ANO1: variants seen among roughly 807,000 people sequenced by gnomAD.
ANO1 encodes anoctamin-1.
In ANO1, 59 loss-of-function variants were observed where a neutral mutation model predicts 124.0. The observed-to-expected ratio is 0.48, with a 90% confidence interval of 0.39 to 0.59. The LOEUF is 0.59. Among genes scored for constraint, ANO1 ranks in the 20% least tolerant of loss-of-function variants. The pLI is 0.00. For missense variants in ANO1, 1,059 were observed against 1,328.0 expected, an observed-to-expected ratio of 0.80 and a Z score of 3.15; for synonymous variants, 529 against 532.0, an observed-to-expected ratio of 0.99 and a Z score of 0.08.
Position 70,170,859 on chromosome 11 carries a change from G to A in ANO1, c.2198-28G>A, listed in dbSNP as rs895708281. 6 of 1,608,462 alleles carry A rather than the reference G, an allele frequency of 3.7e-6. No homozygotes were observed. The African/African-American group carries it at 6.7e-5, about 18-fold the overall frequency. On this transcript the variant is annotated intron_variant, in intron 21 of 25. Coordinates refer to ENST00000355303, the MANE Select transcript of ANO1 (RefSeq NM_018043.7). ...CCTTATGGGCTGTGGCTCACGGGGT[G>A]CTGACTAGCACTGGGCTCTCTCTGC...
chr11:70,177,594 C>CTTTTTTTTTTTTTTTTTTTT (rs57647858), intron 22 of ANO1, among the ~76,000 whole-genome samples: 2 of 78,930 alleles, frequency 2.5e-5, no homozygotes, highest in Non-Finnish European at 4.4e-5. Context: ...TTTTTTTTTT[C>CTTTTTTTTTTTTTTTTTTTT]TTTTTTTTTT....
the ANO1 span, among the ~76,000 whole-genome samples, chr11:69,967,931 C>T: frequency 2.6e-5 from 4 of 152,216 alleles, no homozygotes; most frequent in African/African-American, 9.7e-5. Flanking sequence ...CCATTTTCAG[C>T]AACACTCATG....
intron 20 of ANO1, among the ~76,000 whole-genome samples, chr11:70,166,474 G>A (rs546876537): frequency 2.6e-4 from 39 of 152,200 alleles, no homozygotes; most frequent in Non-Finnish European, 5.3e-4. Flanking sequence ...GGCTCCCCAG[G>A]GTTTCCAGAT....
chr11:69,973,942 TC>T, the ANO1 span, among the ~76,000 whole-genome samples: 1 of 152,070 alleles, frequency 6.6e-6, no homozygotes, highest in Non-Finnish European at 1.5e-5. Context: ...TATTTTTAAT[TC>T]CTCAAAAAAT....
At chr11:70,117,841 A>G (rs1042478998) in intron 8 of ANO1, among the ~76,000 whole-genome samples, 18 of 152,090 alleles carry the variant, frequency 1.2e-4, no homozygotes, top group African/African-American at 4.3e-4. Context: ...CATGTTTTTA[A>G]ATCTTTGGTA....
chr11:70,077,561 G>A (rs2044077926), upstream of ANO1, among the ~76,000 whole-genome samples: 1 of 152,156 alleles, frequency 6.6e-6, no homozygotes, highest in South Asian at 2.1e-4. Flanking sequence ...GGGTAAGAGA[G>A]ATCAAAGCCA....
At chr11:70,122,469 T>A (rs1383138063) in intron 8 of ANO1, among the ~76,000 whole-genome samples, 2 of 149,814 alleles carry the variant, frequency 1.3e-5, no homozygotes, top group East Asian at 4.0e-4. Context: ...TCTGTCTCTG[T>A]CTCTCCATCT....
the ANO1 span, among the ~76,000 whole-genome samples, chr11:69,977,351 A>C: frequency 6.6e-6 from 1 of 152,230 alleles, no homozygotes; most frequent in Admixed American, 6.5e-5. Context: ...CTAAACCATG[A>C]AACGTGGTCA....
chr11:69,975,983 G>A, the ANO1 span, among the ~76,000 whole-genome samples: 1 of 152,164 alleles, frequency 6.6e-6, no homozygotes, highest in African/African-American at 2.4e-5. Flanking sequence ...GCCCTGGGGT[G>A]CGGGAAGGAC....
intron 1 of ANO1, among the ~76,000 whole-genome samples, chr11:70,027,285 G>A (rs868907471): frequency 3.1e-4 from 47 of 152,036 alleles, no homozygotes; most frequent in Admixed American, 4.6e-4. Context: ...CCACCTTACC[G>A]TGCTCCAAAT....
At chr11:70,158,714 A>G (rs1377628454) in intron 16 of ANO1, among the ~76,000 whole-genome samples, 3 of 152,222 alleles carry the variant, frequency 2.0e-5, no homozygotes, top group East Asian at 1.9e-4. Context: ...AAGAAGTGGG[A>G]AGATCCAGTG....
In ANO1 at chr11:70,155,869, C is replaced by G. The variant is rs150390786; in HGVS notation, c.1426-42C>G. 1,489 of 1,504,512 alleles carry G rather than the reference C, an allele frequency of 9.9e-4. 31 individuals carry two copies. The East Asian group carries it at 0.032, about 32-fold the overall frequency. The allele number at this position is 1,504,512 out of a possible 1,614,324, so 93.2% of individuals were successfully genotyped here. ...CCCCGCGGTCTGCGGTGCCGCCTCC[C>G]ACTTCACCGCACGGTGCTCTCTTTC... is the stretch of plus-strand genomic sequence containing the variant. On this transcript the variant is annotated intron_variant, in intron 14 of 25. Coordinates refer to ENST00000355303, the MANE Select transcript of ANO1 (RefSeq NM_018043.7).
intron 24 of ANO1, 140 bp from the exon 25 acceptor site, chr11:70,185,450 G>C (rs948966502): frequency 1.1e-5 from 8 of 700,464 alleles, no homozygotes; most frequent in Non-Finnish European, 1.9e-5. Flanking sequence ...TGGGCTGCTC[G>C]CCCAAGAGAG....
chr11:69,982,627 C>T (rs1855968931), upstream of ANO1, among the ~76,000 whole-genome samples: 1 of 152,224 alleles, frequency 6.6e-6, no homozygotes, highest in Admixed American at 6.5e-5. Flanking sequence ...ACCCATTTTA[C>T]AGATGCACAA....
At chr11:70,102,619 T>G (rs2045321429) in intron 2 of ANO1, among the ~76,000 whole-genome samples, 1 of 152,206 alleles carries the variant, frequency 6.6e-6, no homozygotes, top group Non-Finnish European at 1.5e-5. Context: ...GGGACCATCT[T>G]CAGTCGTCCC....
chr11:70,086,334 G>A (rs1029409638), intron 1 of ANO1, among the ~76,000 whole-genome samples: 2 of 152,212 alleles, frequency 1.3e-5, no homozygotes, highest in African/African-American at 4.8e-5. Flanking sequence ...TGCAGGCTTG[G>A]CTTTAGCAAT....
chr11:70,040,925 G>T (rs1336394968), intron 1 of ANO1, among the ~76,000 whole-genome samples: 4 of 152,210 alleles, frequency 2.6e-5, no homozygotes, highest in Admixed American at 6.5e-5. Context: ...CAAATGTCAA[G>T]TTGAACAAAG....
intron 1 of ANO1, among the ~76,000 whole-genome samples, chr11:69,988,595 G>C (rs533262713): frequency 4.6e-5 from 7 of 152,214 alleles, no homozygotes; most frequent in African/African-American, 1.4e-4. Flanking sequence ...GCTCATTCTC[G>C]CTCCCCTGCA....
intron 2 of ANO1, among the ~76,000 whole-genome samples, chr11:70,093,013 CTTGATCTCCCTT>C (rs2044694381): frequency 2.0e-5 from 3 of 151,892 alleles, no homozygotes; most frequent in African/African-American, 7.3e-5. Context: ...CTCTCTCCCT[CTTGATCTCCCTT>C]TCTCTCTGTC....
Sources: gnomAD v4.1 joint callset for allele counts (sites outside exome capture counted in the v4.1 genomes callset) on GRCh38, gnomAD v4.1.1 for gene constraint, MANE v1.5 for transcripts, NCBI Gene and HGNC (gene_info 2026-07-23, HGNC 2026-07-21) for gene names.